Variants in UTY observed in about 807,000 individuals in gnomAD.
UTY encodes ubiquitously transcribed tetratricopeptide repeat containing, Y-linked, also known as histone demethylase UTY.
Under a neutral mutation model 32.5 loss-of-function variants are expected in UTY, and 12 were observed. That is an observed-to-expected ratio of 0.37 (90% CI 0.24 to 0.60). The LOEUF (loss-of-function observed/expected upper bound fraction) is 0.60, where lower values mean the gene tolerates loss of function less well. UTY is among the 20% of genes least tolerant of loss of function. The pLI is 0.69. For synonymous variants in UTY, 131 were observed against 103.4 expected (o/e 1.27, Z -1.62); for missense variants, 303 against 299.2 (o/e 1.01, Z -0.09).
chrY:13,412,952 G>GC (rs2071148847), intron 5 of UTY, among the ~76,000 whole-genome samples: 4 of 33,363 alleles, frequency 1.2e-4, no homozygotes, highest in African/African-American at 4.7e-4. Context: ...TGACATTCAA[G>GC]CCAAAGAAAG....
At chrY:13,251,962 C>T (rs768240848) in intron 28 of UTY, among the ~76,000 whole-genome samples, 13 of 30,631 alleles carry the variant, frequency 4.2e-4, no homozygotes, top group African/African-American at 1.7e-3. Flanking sequence ...GGGCGGATCA[C>T]GAGGTCAGGA....
intron 4 of UTY, among the ~76,000 whole-genome samples, chrY:13,436,878 T>G: frequency 3.2e-5 from 1 of 31,668 alleles, no homozygotes; most frequent in Admixed American, 2.9e-4. Context: ...CTGAATATTG[T>G]AAGACCCTAG....
chrY:13,446,876 C>T, intron 4 of UTY, among the ~76,000 whole-genome samples: 1 of 32,069 alleles, frequency 3.1e-5, no homozygotes, highest in Non-Finnish European at 7.6e-5. Flanking sequence ...AAACTTACTA[C>T]AAAGTTACAC....
intron 17 of UTY, among the ~76,000 whole-genome samples, chrY:13,350,354 A>T: frequency 1.2e-4 from 4 of 33,508 alleles, no homozygotes; most frequent in Admixed American, 1.1e-3. Context: ...AGACTTCTGT[A>T]ACTAGAACAC....
chrY:13,473,838 G>A, intron 2 of UTY, among the ~76,000 whole-genome samples: 1 of 33,413 alleles, frequency 3.0e-5, no homozygotes, highest in African/African-American at 1.2e-4. Flanking sequence ...AATAAATCTG[G>A]TATCTAATTT....
chrY:13,359,958 T>C lies in UTY; in HGVS notation c.994A>G (p.Met332Val). The C allele has an allele frequency of 5.0e-6, 2 of 397,884 alleles. No individual in the cohort carries two copies. Among genetic ancestry groups the C allele is most frequent in the Non-Finnish European group, 7.1e-6 (2 of 283,125 alleles). Residue 332 changes from methionine (M) to valine (V), a missense_variant, in exon 12 of 30, where the codon ATG becomes GTG. Coordinates refer to ENST00000545955, the MANE Select transcript of UTY (RefSeq NM_001258249.2). ...GVLYQQQNQP[M>V]DALQAYICAV... ...CAAATATATGCCTGTAAAGCATCCA[T>C]AGGCTGATTTTGCTGCTGATACAAC...
intron 4 of UTY, among the ~76,000 whole-genome samples, chrY:13,419,177 T>G: frequency 3.0e-5 from 1 of 33,588 alleles, no homozygotes; most frequent in Non-Finnish European, 7.4e-5. Flanking sequence ...TGAGTCCTAA[T>G]AAAGGCTTTG....
intron 17 of UTY, among the ~76,000 whole-genome samples, chrY:13,345,276 C>T: frequency 3.0e-5 from 1 of 32,936 alleles, no homozygotes; most frequent in Non-Finnish European, 7.4e-5. Flanking sequence ...GTTGATCCTG[C>T]GGCAAAACTA....
chrY:13,474,061 C>T (rs2150350838), intron 2 of UTY, among the ~76,000 whole-genome samples: 4 of 32,024 alleles, frequency 1.2e-4, no homozygotes, highest in African/African-American at 4.9e-4. Context: ...CCAGCCTGGG[C>T]AACATGGTAA....
At chrY:13,391,408 C>T (rs1603449005) in intron 8 of UTY, among the ~76,000 whole-genome samples, 1 of 33,108 alleles carries the variant, frequency 3.0e-5, no homozygotes, top group East Asian at 7.9e-4. Flanking sequence ...CTCCGTATCA[C>T]GTGATATGTG....
chrY:13,290,861 G>C (rs2057720820), intron 27 of UTY, among the ~76,000 whole-genome samples: 1 of 32,544 alleles, frequency 3.1e-5, no homozygotes, highest in Non-Finnish European at 7.5e-5. Context: ...CACCGTGGTT[G>C]GCCTCACTGC....
At chrY:13,471,822 C>CA (rs756471344) in intron 2 of UTY, among the ~76,000 whole-genome samples, 23 of 14,646 alleles carry the variant, frequency 1.6e-3, no homozygotes, top group African/African-American at 3.5e-3. Context: ...GACCCCGGCT[C>CA]AAAAAAAAAA....
intron 17 of UTY, among the ~76,000 whole-genome samples, chrY:13,354,091 A>G (rs2062626626): frequency 2.9e-5 from 1 of 34,127 alleles, no homozygotes; most frequent in South Asian, 6.5e-4. Flanking sequence ...ATGGCATCCT[A>G]CAAAGAAATC....
intron 29 of UTY, 161 bp downstream of exon 29, chrY:13,250,856 G>A: frequency 7.6e-6 from 1 of 131,360 alleles, no homozygotes; most frequent in Non-Finnish European, 1.3e-5. Context: ...AAAAACTAAC[G>A]TGAAATACGA....
chrY:13,287,354 T>C, intron 27 of UTY: 1 of 369,561 alleles, frequency 2.7e-6, no homozygotes, highest in South Asian at 3.0e-5. Flanking sequence ...ATGCTCATCT[T>C]GTTGCTCTAG....
At chrY:13,278,633 A>AG (rs2056831179) in intron 27 of UTY, among the ~76,000 whole-genome samples, 1 of 33,694 alleles carries the variant, frequency 3.0e-5, no homozygotes, top group Non-Finnish European at 7.4e-5. Flanking sequence ...CTGGGAGTAC[A>AG]GAAACCATGT....
At chrY:13,412,036 T>A in intron 5 of UTY, among the ~76,000 whole-genome samples, 1 of 33,868 alleles carries the variant, frequency 3.0e-5, no homozygotes, top group South Asian at 6.6e-4. Context: ...GCTATCATAC[T>A]GTCTTAATTA....
chrY:13,380,762 A>G, intron 8 of UTY, among the ~76,000 whole-genome samples: 1 of 32,848 alleles, frequency 3.0e-5, no homozygotes. Flanking sequence ...TCCTTAAAGC[A>G]AGAAGTGGAG....
chrY:13,285,445 G>T, intron 27 of UTY, among the ~76,000 whole-genome samples: 2 of 34,288 alleles, frequency 5.8e-5, no homozygotes, highest in African/African-American at 2.3e-4. Context: ...AATAGTTACA[G>T]TATTTAAGTC....
Sources: gnomAD v4.1 joint callset for allele counts (sites outside exome capture counted in the v4.1 genomes callset) on GRCh38, gnomAD v4.1.1 for gene constraint, MANE v1.5 for transcripts, NCBI Gene and HGNC (gene_info 2026-07-23, HGNC 2026-07-21) for gene names.